Variants in SLC39A12 observed in about 807,000 individuals in gnomAD.
SLC39A12 encodes zinc transporter ZIP12.
SLC39A12 carries 63 observed loss-of-function variants against 71.1 expected under a neutral mutation model. The observed-to-expected ratio is 0.89, with a 90% CI of 0.72 to 1.09. The LOEUF (loss-of-function observed/expected upper bound fraction) is 1.09. Among genes scored for constraint, SLC39A12 ranks in the 50% least tolerant of loss-of-function variants. SLC39A12 has a pLI of 0.00. For synonymous variants in SLC39A12, 351 were observed against 301.3 expected (o/e 1.16, Z -1.71); for missense variants, 892 against 812.6 (o/e 1.10, Z -1.19).
chr10:18,029,567 A>G (rs1209926371), intron 12 of SLC39A12, among the ~76,000 whole-genome samples: 3 of 152,090 alleles, frequency 2.0e-5, no homozygotes, highest in Non-Finnish European at 4.4e-5. Context: ...TCTTAGCACT[A>G]CCTCTGGGCA....
chr10:18,011,932 TAAAAC>T (rs1836238122), intron 12 of SLC39A12, among the ~76,000 whole-genome samples: 2 of 152,242 alleles, frequency 1.3e-5, no homozygotes, highest in African/African-American at 4.8e-5. Context: ...CTGAAGATTT[TAAAAC>T]AACCTTGAGA....
intron 12 of SLC39A12, among the ~76,000 whole-genome samples, chr10:18,015,500 G>A (rs1276101816): frequency 6.6e-6 from 1 of 152,048 alleles, no homozygotes; most frequent in Non-Finnish European, 1.5e-5. Flanking sequence ...TGCATTGGTG[G>A]TATAATATTG....
intron 12 of SLC39A12, among the ~76,000 whole-genome samples, chr10:18,006,289 G>A (rs1836014445): frequency 6.6e-6 from 1 of 152,190 alleles, no homozygotes. Flanking sequence ...GGTCAGCAAA[G>A]AAGAAAGTCC....
intron 12 of SLC39A12, among the ~76,000 whole-genome samples, chr10:18,035,024 G>A (rs1836959836): frequency 6.7e-6 from 1 of 148,448 alleles, no homozygotes; most frequent in South Asian, 2.2e-4. Context: ...TCCGCTGTTA[G>A]TCTGATGGGC....
At chr10:17,987,753 G>C (rs10508555) in intron 7 of SLC39A12, 102 bp downstream of exon 7, 484,046 of 1,212,304 alleles carry the variant, frequency 0.4, 97,613 homozygotes, top group East Asian at 0.43. Flanking sequence ...TTCAAAGAGA[G>C]AGTATCGTGG....
chr10:18,036,504 G>C (rs559658103), intron 12 of SLC39A12, among the ~76,000 whole-genome samples: 2 of 151,828 alleles, frequency 1.3e-5, no homozygotes, highest in Non-Finnish European at 2.9e-5. Flanking sequence ...GCCCTGCTTC[G>C]GCTCACGCAC....
At chr10:18,008,538 T>C (rs1314968500) in intron 12 of SLC39A12, 3 of 152,162 alleles carry the variant, frequency 2.0e-5, no homozygotes, top group African/African-American at 4.8e-5. Context: ...ATCCTGAAAC[T>C]ATCACCCTCA....
intron 12 of SLC39A12, among the ~76,000 whole-genome samples, chr10:18,031,275 T>G (rs11012275): frequency 0.42 from 47,408 of 113,868 alleles, 11,078 homozygotes; most frequent in Non-Finnish European, 0.51. Flanking sequence ...CAGTGTAAAA[T>G]TGTTCCTATT....
chr10:17,973,682 G>T (rs1835032937), intron 4 of SLC39A12, among the ~76,000 whole-genome samples: 1 of 151,878 alleles, frequency 6.6e-6, no homozygotes. Context: ...TTGATCTTTG[G>T]TAGTTTGCTT....
chr10:18,010,290 ATCCACCCACAGGAAGAGAT>A (rs1165514972), intron 12 of SLC39A12, among the ~76,000 whole-genome samples: 2 of 152,334 alleles, frequency 1.3e-5, no homozygotes, highest in South Asian at 4.1e-4. Context: ...TCTGTTAAAC[ATCCACCCACAGGAAGAGAT>A]TTTGTTTGAA....
intron 7 of SLC39A12, 25 bp from the exon 8 acceptor site, chr10:17,991,126 T>C (rs1007519108): frequency 3.1e-6 from 2 of 645,260 alleles, no homozygotes; most frequent in African/African-American, 6.5e-5. Flanking sequence ...TCTCTCTGCC[T>C]TTTTTTTTTT....
At chr10:18,003,409 A>G in intron 12 of SLC39A12, 51 bp downstream of exon 12, 1 of 1,503,358 alleles carries the variant, frequency 6.7e-7, no homozygotes, top group Non-Finnish European at 9.0e-7. Flanking sequence ...GAAAATGTAA[A>G]ACAGAGAAAA....
Position 17,991,163 on chromosome 10 carries a change from C to T in SLC39A12, c.1282C>T (p.His428Tyr), listed in dbSNP as rs779784129. Reference sequence around the variant, plus strand: ...TTTTCCCCTGAAGGTTCTTGGTTTACATAAGCAGGAAGCCCCAGAATTTGG... The same window carrying T: ...TTTTCCCCTGAAGGTTCTTGGTTTATATAAGCAGGAAGCCCCAGAATTTGG... ...LHLIPQVLGL[H>Y]KQEAPEFGHF... The change falls in exon 8 of 13, where the codon CAT (histidine) becomes TAT (tyrosine). Residue 428 changes from histidine to tyrosine, a missense_variant. Physicochemically the swap from His to Tyr is moderately conservative, Grantham distance 83. Transcript: ENST00000377369. 2 of 1,425,460 alleles carry T rather than the reference C, an allele frequency of 1.4e-6. No individual in the cohort carries two copies. Among genetic ancestry groups the T allele is most frequent in the South Asian group, 2.8e-5 (2 of 70,850 alleles). 88.3% of individuals were successfully genotyped at this position (1,425,460 alleles called of 1,614,324 possible).
chr10:17,961,960 C>G, intron 3 of SLC39A12, 98 bp downstream of exon 3: 6 of 1,235,050 alleles, frequency 4.9e-6, no homozygotes, highest in Non-Finnish European at 6.7e-6. Flanking sequence ...TCAAGGACTT[C>G]TAAGGGAGGT....
Position 18,042,686 on chromosome 10 carries a change from T to A in SLC39A12, c.1948-19T>A, listed in dbSNP as rs769899785. On this transcript the variant is annotated intron_variant, in intron 12 of 12. Coordinates refer to ENST00000377369, the MANE Select transcript of SLC39A12 (RefSeq NM_001145195.2). ...TGAATATATCTGGATCTTATTCTGG[T>A]TTTTTATTCTTTTTTTAGCTTCCTG... 4.6e-5 allele frequency: 74 copies of A among 1,597,650 alleles called. No individual in the cohort carries two copies. The highest frequency in any genetic ancestry group is 3.4e-4 in the Middle Eastern group (2 of 5,968).
intron 2 of SLC39A12, among the ~76,000 whole-genome samples, chr10:17,960,668 A>T (rs1300094142): frequency 6.6e-6 from 1 of 152,208 alleles, no homozygotes; most frequent in Admixed American, 6.5e-5. Context: ...TACGAGTGCT[A>T]TGAAGAAAAA....
chr10:17,991,185 T>G lies in SLC39A12; in HGVS notation c.1304T>G (p.Phe435Cys). 1 of 1,576,386 alleles carries G rather than the reference T, an allele frequency of 6.3e-7. No individual in the cohort carries two copies. Residue 435 changes from phenylalanine to cysteine, a missense_variant, in exon 8 of 13, where the codon TTT becomes TGT. Coordinates refer to ENST00000377369, the MANE Select transcript of SLC39A12 (RefSeq NM_001145195.2). ...LGLHKQEAPEFGHFHESKGHI... is the reference protein window; with the variant it reads ...LGLHKQEAPECGHFHESKGHI... ...TTACATAAGCAGGAAGCCCCAGAAT[T>G]TGGGCATTTCCATGAAAGCAAAGGT...
intron 2 of SLC39A12, among the ~76,000 whole-genome samples, chr10:17,960,956 C>T (rs1468992766): frequency 1.3e-5 from 2 of 152,078 alleles, no homozygotes; most frequent in African/African-American, 2.4e-5. Context: ...TAAAATCTTG[C>T]TGCTAAAGAA....
intron 12 of SLC39A12, among the ~76,000 whole-genome samples, chr10:18,018,287 TC>T (rs1325402772): frequency 6.6e-6 from 1 of 152,198 alleles, no homozygotes; most frequent in Admixed American, 6.5e-5. Context: ...TTTTATTGAA[TC>T]TTTTAGATTT....
Sources: allele counts gnomAD v4.1 joint callset (sites outside exome capture counted in the v4.1 genomes callset), GRCh38; gene constraint gnomAD v4.1.1; transcripts MANE v1.5; gene names NCBI Gene and HGNC (gene_info 2026-07-23, HGNC 2026-07-21).